Variants in SGCZ observed in about 807,000 individuals in gnomAD.
The protein encoded by SGCZ is zeta-sarcoglycan.
In SGCZ, 40 loss-of-function variants were observed where a neutral mutation model predicts 41.3. The observed-to-expected ratio is 0.97, with a 90% CI of 0.75 to 1.26. The LOEUF is 1.26. Ranked by LOEUF, SGCZ falls within the 50% of genes most tolerant of loss-of-function variation. SGCZ has a pLI of 0.00. For synonymous variants in SGCZ, 206 were observed against 137.5 expected (o/e 1.50, Z -3.49); for missense variants, 552 against 369.8 (o/e 1.49, Z -4.04).
In SGCZ at chr8:14,924,149, G is replaced by A. The variant is rs543973080; in HGVS notation, c.39+313436C>T. On this transcript the variant is annotated intron_variant, in intron 1 of 7. Transcript: ENST00000382080. ...TCACGTTTGTTCTAAAAATCCTTTAGTCTTTAAGAAAACCTATTTGTTGTT... is the reference window on the plus strand; with the variant it reads ...TCACGTTTGTTCTAAAAATCCTTTAATCTTTAAGAAAACCTATTTGTTGTT... Among the ~76,000 whole-genome samples the A allele has an allele frequency of 8.5e-4, 129 of 152,262 alleles. 2 individuals are homozygous for A. The highest frequency in any genetic ancestry group is 3.4e-3 in the Middle Eastern group (1 of 294).
chr8:14,727,394 A>G (rs1193563988), intron 1 of SGCZ, among the ~76,000 whole-genome samples: 1 of 152,204 alleles, frequency 6.6e-6, no homozygotes, highest in African/African-American at 2.4e-5. Context: ...AATTGAATGG[A>G]AAAAGTACTT....
At chr8:14,745,509 G>A (rs569937698) in intron 1 of SGCZ, among the ~76,000 whole-genome samples, 2 of 152,198 alleles carry the variant, frequency 1.3e-5, no homozygotes, top group Admixed American at 6.5e-5. Flanking sequence ...TTGAGCCCAG[G>A]AGTTTGAGGC....
intron 1 of SGCZ, among the ~76,000 whole-genome samples, chr8:15,082,887 G>A (rs968427185): frequency 5.9e-5 from 9 of 151,966 alleles, no homozygotes; most frequent in Non-Finnish European, 8.8e-5. Context: ...GACTGTTTAC[G>A]TACAAAAGGT....
intron 1 of SGCZ, among the ~76,000 whole-genome samples, chr8:15,158,653 G>C (rs61469568): frequency 0.19 from 29,374 of 152,086 alleles, 3,382 homozygotes; most frequent in East Asian, 0.47. Flanking sequence ...TATAATTCAT[G>C]TGGAAAATAT....
intron 1 of SGCZ, among the ~76,000 whole-genome samples, chr8:14,711,477 C>T (rs1809513684): frequency 2.0e-5 from 3 of 150,846 alleles, no homozygotes; most frequent in African/African-American, 4.9e-5. Flanking sequence ...TGGCGCATGC[C>T]TGTAGTCCCA....
chr8:14,898,204 C>T (rs1805275271), intron 1 of SGCZ, among the ~76,000 whole-genome samples: 1 of 152,108 alleles, frequency 6.6e-6, no homozygotes, highest in Non-Finnish European at 1.5e-5. Context: ...CCCACCTCAA[C>T]CTCCCAAAGC....
chr8:15,092,685 A>G (rs939504634), intron 1 of SGCZ, among the ~76,000 whole-genome samples: 4 of 152,220 alleles, frequency 2.6e-5, no homozygotes, highest in African/African-American at 9.6e-5. Flanking sequence ...AAAATTCCAT[A>G]CTTCAAAAGA....
At chr8:14,363,602 T>C (rs1308729444) in intron 2 of SGCZ, among the ~76,000 whole-genome samples, 5 of 152,174 alleles carry the variant, frequency 3.3e-5, no homozygotes, top group Non-Finnish European at 7.3e-5. Context: ...ATTGGTGCTT[T>C]GACCCAACTT....
At chr8:14,351,083 G>T (rs2117104171) in intron 2 of SGCZ, among the ~76,000 whole-genome samples, 1 of 152,078 alleles carries the variant, frequency 6.6e-6, no homozygotes, top group East Asian at 1.9e-4. Context: ...TTTTGTTTAG[G>T]TATGTATAAC....
intron 1 of SGCZ, among the ~76,000 whole-genome samples, chr8:15,149,949 G>A (rs1356371547): frequency 6.6e-6 from 1 of 152,168 alleles, no homozygotes; most frequent in African/African-American, 2.4e-5. Flanking sequence ...GGAGTACAGT[G>A]TAGTCATTAC....
At chr8:15,028,441 G>T (rs1241635148) in intron 1 of SGCZ, among the ~76,000 whole-genome samples, 1 of 150,236 alleles carries the variant, frequency 6.7e-6, no homozygotes, top group Non-Finnish European at 1.5e-5. Flanking sequence ...GTCTTTCTAA[G>T]TTGAAGTCAG....
chr8:14,580,081 G>C (rs1292552351), intron 1 of SGCZ, among the ~76,000 whole-genome samples: 1 of 152,110 alleles, frequency 6.6e-6, no homozygotes, highest in East Asian at 1.9e-4. Context: ...CCAACACAAA[G>C]ACAGTATGAA....
chr8:14,398,842 A>G (rs556750571), intron 2 of SGCZ, among the ~76,000 whole-genome samples: 61 of 152,212 alleles, frequency 4.0e-4, no homozygotes, highest in African/African-American at 1.4e-3. Context: ...TGAGGTGATT[A>G]TTTAGCTCAA....
intron 4 of SGCZ, among the ~76,000 whole-genome samples, chr8:14,191,883 C>T (rs916528062): frequency 5.3e-5 from 8 of 151,960 alleles, no homozygotes; most frequent in African/African-American, 1.2e-4. Context: ...TAGGATTCCT[C>T]AACCTAGTCA....
At chr8:14,153,838 G>C (rs868306906) in intron 5 of SGCZ, among the ~76,000 whole-genome samples, 1 of 151,940 alleles carries the variant, frequency 6.6e-6, no homozygotes, top group African/African-American at 2.4e-5. Flanking sequence ...CATGAGGATG[G>C]GGTCCTCTTG....
At chr8:14,302,498 T>A (rs951928491) in intron 3 of SGCZ, among the ~76,000 whole-genome samples, 2 of 152,264 alleles carry the variant, frequency 1.3e-5, no homozygotes, top group African/African-American at 2.4e-5. Context: ...AAAGCCATCT[T>A]CCTCCTCCCA....
intron 1 of SGCZ, among the ~76,000 whole-genome samples, chr8:15,141,195 A>G (rs1489375534): frequency 6.6e-6 from 1 of 152,248 alleles, no homozygotes; most frequent in Non-Finnish European, 1.5e-5. Flanking sequence ...AATTCAATGC[A>G]GTTGAGTAAC....
chr8:14,923,041 AT>A (rs1799637657), intron 1 of SGCZ, among the ~76,000 whole-genome samples: 2 of 152,136 alleles, frequency 1.3e-5, no homozygotes, highest in Non-Finnish European at 2.9e-5. Context: ...ACATATTTGA[AT>A]TTTTTTAAAG....
chr8:15,192,052 A>G (rs1245997767), intron 1 of SGCZ, among the ~76,000 whole-genome samples: 1 of 152,120 alleles, frequency 6.6e-6, no homozygotes, highest in Non-Finnish European at 1.5e-5. Flanking sequence ...TTAGCACTTC[A>G]TAATTAGAGC....
Sources: gnomAD v4.1 joint callset for allele counts (sites outside exome capture counted in the v4.1 genomes callset) on GRCh38, gnomAD v4.1.1 for gene constraint, MANE v1.5 for transcripts, NCBI Gene and HGNC (gene_info 2026-07-23, HGNC 2026-07-21) for gene names.